Variants in DYNC2LI1 observed in about 807,000 individuals in gnomAD.
The protein encoded by DYNC2LI1 is dynein cytoplasmic 2 light intermediate chain 1.
In DYNC2LI1, 45 loss-of-function variants were observed where a neutral mutation model predicts 51.9. That is an observed-to-expected ratio of 0.87 (90% CI 0.68 to 1.11). The LOEUF (loss-of-function observed/expected upper bound fraction) is 1.11, where lower values mean the gene tolerates loss of function less well. Ranked by LOEUF, DYNC2LI1 falls within the 50% of genes most tolerant of loss-of-function variation. The pLI is 0.00. For missense variants in DYNC2LI1, 490 were observed against 417.4 expected (o/e 1.17, Z -1.51); for synonymous variants, 130 against 137.8 (o/e 0.94, Z 0.40).
the DYNC2LI1 span, chr2:43,822,812 C>T: frequency 1.9e-6 from 3 of 1,614,058 alleles, no homozygotes; most frequent in South Asian, 1.1e-5. Flanking sequence ...GCACACACTG[C>T]TGAAAATCAT....
chr2:43,803,525 G>A (rs1363306013), intron 10 of DYNC2LI1, among the ~76,000 whole-genome samples: 1 of 152,184 alleles, frequency 6.6e-6, no homozygotes, highest in East Asian at 1.9e-4. Flanking sequence ...ATAGAACTAT[G>A]GATGGGGAGA....
At chr2:43,779,101 AT>A (rs1673159271) in intron 2 of DYNC2LI1, among the ~76,000 whole-genome samples, 2 of 152,202 alleles carry the variant, frequency 1.3e-5, no homozygotes, top group South Asian at 4.2e-4. Flanking sequence ...CCCCAAAAAA[AT>A]AAAACAATTA....
downstream of DYNC2LI1, among the ~76,000 whole-genome samples, chr2:43,812,055 CT>C (rs1558710053): frequency 6.6e-6 from 1 of 151,444 alleles, no homozygotes; most frequent in East Asian, 1.9e-4. Flanking sequence ...TTTTTTCTTT[CT>C]TTTTTAGAGA....
intron 3 of DYNC2LI1, among the ~76,000 whole-genome samples, chr2:43,784,139 T>A (rs534998143): frequency 4.5e-4 from 69 of 152,288 alleles, no homozygotes; most frequent in African/African-American, 1.6e-3. Flanking sequence ...TCCAAAATCA[T>A]CAAAAGAGAT....
At chr2:43,782,314 A>G (rs1037060750) in intron 2 of DYNC2LI1, among the ~76,000 whole-genome samples, 2 of 152,100 alleles carry the variant, frequency 1.3e-5, no homozygotes, top group South Asian at 2.1e-4. Flanking sequence ...ATATCTCATT[A>G]CAAAAAATTT....
At chr2:43,823,300 C>T in the DYNC2LI1 span, among the ~76,000 whole-genome samples, 1 of 131,108 alleles carries the variant, frequency 7.6e-6, no homozygotes, top group Non-Finnish European at 1.7e-5. Flanking sequence ...CCACCACCAG[C>T]AGCCTGCATT....
downstream of DYNC2LI1, chr2:43,812,878 T>C (rs1284844979): frequency 3.7e-6 from 2 of 537,794 alleles, no homozygotes; most frequent in East Asian, 6.4e-5. Flanking sequence ...TTGGGTCCGC[T>C]CAGTCACAAT....
chr2:43,800,647 G>A (rs1416420721), intron 8 of DYNC2LI1, among the ~76,000 whole-genome samples, 194 bp from the exon 9 acceptor site: 10 of 152,266 alleles, frequency 6.6e-5, no homozygotes, highest in African/African-American at 2.4e-4. Context: ...TACTCATTAA[G>A]TTTGAAGAAC....
intron 5 of DYNC2LI1, 28 bp downstream of exon 5, chr2:43,789,749 G>C (rs776679741): frequency 1.2e-5 from 19 of 1,595,790 alleles, no homozygotes; most frequent in Non-Finnish European, 1.6e-5. Context: ...AGGAAAACCT[G>C]TAAGTACACA....
chr2:43,806,772 C>G (rs2104720638), intron 12 of DYNC2LI1, among the ~76,000 whole-genome samples: 1 of 152,250 alleles, frequency 6.6e-6, no homozygotes, highest in East Asian at 1.9e-4. Context: ...CTCTAAATGA[C>G]TTAAAACCAT....
chr2:43,827,542 T>A, the DYNC2LI1 span, among the ~76,000 whole-genome samples: 1 of 152,168 alleles, frequency 6.6e-6, no homozygotes, highest in Non-Finnish European at 1.5e-5. Context: ...CTACTCTGTT[T>A]TGATACTCCC....
chr2:43,777,145 T>C (rs904542865), intron 2 of DYNC2LI1, among the ~76,000 whole-genome samples: 1 of 152,200 alleles, frequency 6.6e-6, no homozygotes, highest in African/African-American at 2.4e-5. Flanking sequence ...TCTACCACAA[T>C]TGAGTGTAAA....
chr2:43,791,482 T>A (rs1469267488), intron 5 of DYNC2LI1, among the ~76,000 whole-genome samples: 1 of 152,088 alleles, frequency 6.6e-6, no homozygotes, highest in Admixed American at 6.6e-5. Context: ...GGGCTTCCTT[T>A]CCCTGGAGCC....
At chr2:43,827,902 G>A in the DYNC2LI1 span, 2,575 of 1,589,764 alleles carry the variant, frequency 1.6e-3, 7 homozygotes, top group Non-Finnish European at 1.4e-3. Flanking sequence ...AATGAGGACC[G>A]TGAAGAAAGG....
intron 2 of DYNC2LI1, 150 bp downstream of exon 2, chr2:43,777,049 C>G: frequency 2.3e-6 from 1 of 434,176 alleles, no homozygotes; most frequent in Non-Finnish European, 4.2e-6. Context: ...TATTATTAAT[C>G]TAGGAAAAAC....
downstream of DYNC2LI1, among the ~76,000 whole-genome samples, chr2:43,814,051 T>C (rs74352461): frequency 0.022 from 3,283 of 152,232 alleles, 82 homozygotes; most frequent in African/African-American, 0.062. Flanking sequence ...GGTCCTTGTC[T>C]TGGTTCTACT....
intron 1 of DYNC2LI1, 44 bp from the exon 2 acceptor site, chr2:43,776,738 G>T (rs772277257): frequency 2.3e-6 from 2 of 854,366 alleles, no homozygotes; most frequent in African/African-American, 1.8e-5. Context: ...ATATTTGAAA[G>T]AATTCTTTTT....
chr2:43,811,083 T>G (rs1299086291), downstream of DYNC2LI1, among the ~76,000 whole-genome samples: 1 of 152,170 alleles, frequency 6.6e-6, no homozygotes. Flanking sequence ...TGCATATGAA[T>G]AGTAGAAAAT....
At chr2:43,798,773 A>G (rs758256996) in intron 8 of DYNC2LI1, among the ~76,000 whole-genome samples, 5 of 152,222 alleles carry the variant, frequency 3.3e-5, no homozygotes, top group Non-Finnish European at 7.3e-5. Flanking sequence ...CTGGACCACC[A>G]AAGGAACCAT....
Sources: allele counts gnomAD v4.1 joint callset (sites outside exome capture counted in the v4.1 genomes callset), GRCh38; gene constraint gnomAD v4.1.1; transcripts MANE v1.5; gene names NCBI Gene and HGNC (gene_info 2026-07-23, HGNC 2026-07-21).